Variants in KIF27 observed in about 807,000 individuals in gnomAD.
KIF27 encodes the protein kinesin family member 27.
Under a neutral mutation model 141.8 loss-of-function variants are expected in KIF27, and 84 were observed. That is an observed-to-expected ratio of 0.59 (90% CI 0.50 to 0.71). KIF27 has a LOEUF of 0.71. KIF27 is among the 30% of genes least tolerant of loss of function. The pLI is 0.00. For synonymous variants in KIF27, 471 were observed against 569.5 expected, an observed-to-expected ratio of 0.83 and a Z score of 2.46; for missense variants, 1,306 against 1,628.4, an observed-to-expected ratio of 0.80 and a Z score of 3.41.
At chr9:83,920,920 T>C (rs1267413773) in intron 1 of KIF27, among the ~76,000 whole-genome samples, 2 of 113,140 alleles carry the variant, frequency 1.8e-5, no homozygotes, top group Non-Finnish European at 3.9e-5. Context: ...AGTTTCAACC[T>C]CTACGGTGGG....
At chr9:83,856,856 G>T (rs554270124) in intron 14 of KIF27, among the ~76,000 whole-genome samples, 1 of 147,838 alleles carries the variant, frequency 6.8e-6, no homozygotes, top group African/African-American at 2.5e-5. Context: ...GCAGTGAGCC[G>T]AGATCGCACC....
chr9:83,877,560 T>C (rs1216214437), intron 11 of KIF27, among the ~76,000 whole-genome samples: 1 of 152,132 alleles, frequency 6.6e-6, no homozygotes, highest in East Asian at 1.9e-4. Context: ...ATAAAACTCT[T>C]AGCAGAAAAC....
At chr9:83,876,851 G>A (rs190334577) in intron 11 of KIF27, among the ~76,000 whole-genome samples, 399 of 152,312 alleles carry the variant, frequency 2.6e-3, no homozygotes, top group Non-Finnish European at 3.9e-3. Flanking sequence ...CAAGACCAGA[G>A]GATCACTTGA....
intron 3 of KIF27, among the ~76,000 whole-genome samples, chr9:83,907,945 C>T (rs1228803757): frequency 1.3e-5 from 2 of 152,174 alleles, no homozygotes; most frequent in African/African-American, 4.8e-5. Context: ...CCAGTCTGAA[C>T]TACTTTTTCA....
intron 17 of KIF27, among the ~76,000 whole-genome samples, chr9:83,838,276 C>A (rs1258769405): frequency 6.6e-6 from 1 of 152,106 alleles, no homozygotes; most frequent in African/African-American, 2.4e-5. Context: ...CTCTGTCGCC[C>A]AGGTTGGAGT....
chr9:83,848,077 G>C (rs12002144), intron 16 of KIF27, among the ~76,000 whole-genome samples: 19 of 76,518 alleles, frequency 2.5e-4, no homozygotes, highest in African/African-American at 9.1e-4. Flanking sequence ...TATGATATAT[G>C]ATATATCATA....
At chr9:83,890,500 A>G (rs1352211096) in intron 6 of KIF27, among the ~76,000 whole-genome samples, 5 of 152,206 alleles carry the variant, frequency 3.3e-5, no homozygotes, top group Admixed American at 2.0e-4. Flanking sequence ...TCAGAGTCCA[A>G]CTTCATTCTC....
rs189026127 is a variant in KIF27, at chr9:83,858,866, G to A, written c.3150+290C>T. The A allele has an allele frequency of 2.7e-4, 105 of 389,064 alleles. No homozygotes were observed. The East Asian group carries it at 4.2e-3, about 16-fold the overall frequency. 24.1% of individuals were successfully genotyped at this position (389,064 alleles called of 1,614,324 possible). ...TTTTCTATGTTCTGTGATTTCAGAC[G>A]AGAAACCCCAGCTGAGGAGGCAAAT... On this transcript the variant is annotated intron_variant, in intron 14 of 17. Coordinates refer to ENST00000297814, the MANE Select transcript of KIF27 (RefSeq NM_017576.4).
rs1952677516 is a variant in KIF27 at position 83,891,508 on chromosome 9, A to G, written c.1603-7T>C. 1 of 1,600,078 alleles carries G rather than the reference A, an allele frequency of 6.2e-7. No individual in the cohort carries two copies. Among genetic ancestry groups the G allele is most frequent in the Non-Finnish European group, 8.5e-7 (1 of 1,172,000 alleles). On this transcript the variant is annotated splice_region_variant and splice_polypyrimidine_tract_variant and intron_variant, in intron 5 of 17. Coordinates refer to ENST00000297814, the MANE Select transcript of KIF27 (RefSeq NM_017576.4). Reference sequence around the variant, plus strand: ...GTTCTATTATTTTTTCATTCTTTGTAGAAGAGAGATGAAAATTTTTAATAT... The same window carrying G: ...GTTCTATTATTTTTTCATTCTTTGTGGAAGAGAGATGAAAATTTTTAATAT...
chr9:83,914,431 T>A (rs1178255644), intron 2 of KIF27, among the ~76,000 whole-genome samples: 1 of 152,102 alleles, frequency 6.6e-6, no homozygotes, highest in Non-Finnish European at 1.5e-5. Flanking sequence ...ACAACCACCC[T>A]CTGAGCCACC....
intron 7 of KIF27, 152 bp from the exon 8 acceptor site, chr9:83,888,744 C>T: frequency 9.0e-6 from 3 of 333,442 alleles, no homozygotes; most frequent in South Asian, 7.0e-5. Context: ...TAAAAGGATG[C>T]CCCCCCCATC....
In KIF27 at chr9:83,909,658, T is replaced by G. The variant is rs1234793300; in HGVS notation, c.299-1006A>C. Among the ~76,000 whole-genome samples, 4 of 149,444 alleles carry G rather than the reference T, an allele frequency of 2.7e-5. No individual in the cohort carries two copies. In the South Asian group the frequency reaches 6.4e-4, roughly 24 times the overall value. On this transcript the variant is annotated intron_variant, in intron 2 of 17. Transcript: ENST00000297814. ...TTAATAAGAAAATATATTTGAAAAG[T>G]CCCAGGAATGAAACAGACATTAAGT...
rs148225597 is a variant in KIF27 at position 83,848,409 on chromosome 9, A to G, written c.3556+1690T>C. 2.0e-3 allele frequency among the ~76,000 whole-genome samples: 274 copies of G among 136,200 alleles called. 2 individuals carry two copies. Among genetic ancestry groups the G allele is most frequent in the East Asian group, 0.012 (56 of 4,650 alleles). 89.4% of individuals were successfully genotyped at this position (136,200 alleles called of 152,430 possible). A position where few individuals can be genotyped will look rare whatever the true frequency, so the allele number is the denominator to read the frequency against. The stretch of plus-strand genomic sequence containing the variant: ...TATCATATATGCTATATATGCATAT[A>G]TGATATATATGTATATATCTATATA... On this transcript the variant is annotated intron_variant, in intron 16 of 17. Transcript: ENST00000297814.
At chr9:83,855,443 A>C (rs1444945912) in intron 14 of KIF27, among the ~76,000 whole-genome samples, 3 of 152,232 alleles carry the variant, frequency 2.0e-5, no homozygotes, top group Non-Finnish European at 2.9e-5. Flanking sequence ...TAATTGCTCC[A>C]TAAGGAATAA....
chr9:83,853,840 A>G lies in KIF27; in HGVS notation c.3151-5T>C, dbSNP rs1948880387. 6.3e-7 allele frequency: 1 copy of G among 1,575,120 alleles called. No individual in the cohort carries two copies. The highest frequency in any genetic ancestry group is 1.4e-5 in the African/African-American group (1 of 73,912). On this transcript the variant is annotated splice_polypyrimidine_tract_variant and splice_region_variant and intron_variant, in intron 14 of 17. Transcript: ENST00000297814. ...TTGGAAAAGAACATGTTCTTCCTAG[A>G]TATAACAGAAATCACTCATTTTAAA... is the stretch of plus-strand genomic sequence containing the variant.
In KIF27 at chr9:83,887,083, T is replaced by C. The variant is rs746966836; in HGVS notation, c.2197A>G (p.Ile733Val). The change falls in exon 9 of 18, where the codon ATC becomes GTC. Residue 733 changes from isoleucine to valine, a missense_variant. Around this residue, in one of 4 missense-constraint regions of KIF27, gnomAD observed 596 missense variants for 751.6 expected, o/e 0.79. Coordinates refer to ENST00000297814, the MANE Select transcript of KIF27 (RefSeq NM_017576.4). ...KQKMRELTIN[I>V]KMKEDLIKEL... ...TTAATCAGATCTTCCTTCATCTTGA[T>C]GTTAATTGTAAGTTCTCTCATTTTT... 8 of 1,601,002 alleles carry C rather than the reference T, an allele frequency of 5.0e-6. No individual in the cohort carries two copies. Among genetic ancestry groups the C allele is most frequent in the Non-Finnish European group, 6.0e-6 (7 of 1,175,970 alleles).
rs1394843953 is a variant in KIF27, at chr9:83,834,901, A to G, written c.*2100T>C. On this transcript the variant is annotated 3_prime_UTR_variant, in exon 18 of 18. Coordinates refer to ENST00000297814, the MANE Select transcript of KIF27 (RefSeq NM_017576.4). ...TGAAATAATGTAAAATGTATAACCT[A>G]TATCTATATACAAGTATATATATAA... is the stretch of plus-strand genomic sequence containing the variant. Among the ~76,000 whole-genome samples the G allele has an allele frequency of 1.4e-5, 2 of 148,128 alleles. No individual in the cohort carries two copies. Among genetic ancestry groups the G allele is most frequent in the Non-Finnish European group, 3.0e-5 (2 of 67,338 alleles).
intron 11 of KIF27, among the ~76,000 whole-genome samples, chr9:83,873,920 C>CA (rs1951000939): frequency 6.6e-6 from 1 of 151,976 alleles, no homozygotes; most frequent in Non-Finnish European, 1.5e-5. Context: ...GGTGTGGTGG[C>CA]AAGTGCCTGT....
chr9:83,907,512 A>G (rs1954686608), intron 3 of KIF27, among the ~76,000 whole-genome samples: 1 of 152,070 alleles, frequency 6.6e-6, no homozygotes, highest in African/African-American at 2.4e-5. Context: ...ATAAATTGTT[A>G]TTCTTTAAAA....
Sources: gnomAD v4.1 joint callset for allele counts (sites outside exome capture counted in the v4.1 genomes callset) on GRCh38, gnomAD v4.1.1 for gene constraint, gnomAD v4.1.1 regional missense constraint, MANE v1.5 for transcripts, NCBI Gene and HGNC (gene_info 2026-07-23, HGNC 2026-07-21) for gene names.